Variants in CFAP299 observed in about 807,000 individuals in gnomAD.
The protein encoded by CFAP299 is cilia- and flagella-associated protein 299.
A neutral mutation model predicts 27.0 loss-of-function variants in CFAP299; 21 were observed. The ratio of observed to expected loss-of-function variants is 0.78; its 90% CI spans 0.55 to 1.12. The LOEUF (loss-of-function observed/expected upper bound fraction) is 1.12. Among genes scored for constraint, CFAP299 ranks in the 50% most tolerant of loss-of-function variants. The probability of loss-of-function intolerance (pLI) is 0.00; values close to 1 mark genes in which losing one functional copy is unlikely to be tolerated. For synonymous variants in CFAP299, 104 were observed against 98.1 expected (o/e 1.06, Z -0.36); for missense variants, 310 against 276.6 (o/e 1.12, Z -0.86).
chr4:80,776,963 C>T (rs1253998280), intron 3 of CFAP299, among the ~76,000 whole-genome samples: 1 of 151,100 alleles, frequency 6.6e-6, no homozygotes, highest in Admixed American at 6.6e-5. Flanking sequence ...CTCTTGAAAT[C>T]TCTTCCACTC....
chr4:80,482,844 C>T (rs1994981), intron 2 of CFAP299, among the ~76,000 whole-genome samples: 30,705 of 152,076 alleles, frequency 0.2, 3,286 homozygotes, highest in South Asian at 0.29. Flanking sequence ...ATAATGTTAC[C>T]TCAACGTTTG....
At chr4:80,597,545 T>TGTC in intron 3 of CFAP299, among the ~76,000 whole-genome samples, 1 of 152,218 alleles carries the variant, frequency 6.6e-6, no homozygotes, top group Non-Finnish European at 1.5e-5. Flanking sequence ...GTCCAATTTA[T>TGTC]TAATCTTTTC....
chr4:80,898,095 C>A (rs1192486133), intron 4 of CFAP299, among the ~76,000 whole-genome samples: 1 of 152,172 alleles, frequency 6.6e-6, no homozygotes, highest in Admixed American at 6.5e-5. Flanking sequence ...GCTCTTTTAG[C>A]TCTGCCATCT....
chr4:80,591,672 G>A (rs1736798680), intron 3 of CFAP299, among the ~76,000 whole-genome samples: 1 of 152,152 alleles, frequency 6.6e-6, no homozygotes, highest in Admixed American at 6.5e-5. Flanking sequence ...GAGCCAAGGA[G>A]TCACTGAGGC....
chr4:80,624,811 T>G (rs1738799159), intron 3 of CFAP299, among the ~76,000 whole-genome samples: 2 of 152,080 alleles, frequency 1.3e-5, no homozygotes, highest in Non-Finnish European at 2.9e-5. Context: ...AACTCTATAG[T>G]CCAGGAGAGA....
At chr4:80,956,482 A>C (rs959224067) in intron 5 of CFAP299, among the ~76,000 whole-genome samples, 7 of 152,106 alleles carry the variant, frequency 4.6e-5, no homozygotes, top group Admixed American at 1.3e-4. Flanking sequence ...CTCTGTGTGG[A>C]GTCCAGTGGC....
intron 3 of CFAP299, among the ~76,000 whole-genome samples, chr4:80,676,210 T>C (rs1402518326): frequency 6.6e-6 from 1 of 152,192 alleles, no homozygotes; most frequent in Non-Finnish European, 1.5e-5. Flanking sequence ...TCTAATGAAA[T>C]TATCATATTG....
chr4:80,341,184 T>C (rs1722431737), intron 1 of CFAP299, among the ~76,000 whole-genome samples: 1 of 152,208 alleles, frequency 6.6e-6, no homozygotes, highest in African/African-American at 2.4e-5. Flanking sequence ...AGAACTCTGA[T>C]CTCTTCCTGG....
At chr4:80,481,681 G>C (rs1730579840) in intron 2 of CFAP299, among the ~76,000 whole-genome samples, 1 of 152,030 alleles carries the variant, frequency 6.6e-6, no homozygotes, top group African/African-American at 2.4e-5. Context: ...GGCTAAAATT[G>C]ACTAGTTTAA....
intron 3 of CFAP299, among the ~76,000 whole-genome samples, chr4:80,738,453 G>C (rs1485554495): frequency 6.6e-6 from 1 of 151,952 alleles, no homozygotes; most frequent in Non-Finnish European, 1.5e-5. Flanking sequence ...ATATCCTCTG[G>C]ATGAACTGAA....
chr4:80,799,423 T>C (rs1285208686), intron 3 of CFAP299, among the ~76,000 whole-genome samples: 1 of 89,844 alleles, frequency 1.1e-5, no homozygotes, highest in East Asian at 3.3e-4. Flanking sequence ...ATAAGTAATA[T>C]TTATAATATA....
At chr4:80,327,701 T>TATATATATAACTTCAATAC in the CFAP299 span, among the ~76,000 whole-genome samples, 3 of 61,180 alleles carry the variant, frequency 4.9e-5, no homozygotes, top group Admixed American at 4.3e-4. Flanking sequence ...TATATATATA[T>TATATATATAACTTCAATAC]ATATATATAT....
intron 2 of CFAP299, among the ~76,000 whole-genome samples, chr4:80,461,167 T>C (rs1729420134): frequency 6.6e-6 from 1 of 152,108 alleles, no homozygotes; most frequent in Non-Finnish European, 1.5e-5. Context: ...GGTCTTTTCA[T>C]GCAGATGAAG....
intron 4 of CFAP299, among the ~76,000 whole-genome samples, chr4:80,909,121 T>G (rs1448026343): frequency 6.6e-6 from 1 of 152,200 alleles, no homozygotes; most frequent in African/African-American, 2.4e-5. Flanking sequence ...AATCACTTAC[T>G]TAAACATCTA....
At chr4:80,372,719 G>A (rs374473175) in intron 2 of CFAP299, among the ~76,000 whole-genome samples, 21 of 152,158 alleles carry the variant, frequency 1.4e-4, no homozygotes, top group South Asian at 8.3e-4. Flanking sequence ...TCCAATCAGC[G>A]TGATGTCACT....
At chr4:80,411,152 G>A (rs1392153698) in intron 2 of CFAP299, among the ~76,000 whole-genome samples, 1 of 152,100 alleles carries the variant, frequency 6.6e-6, no homozygotes, top group Non-Finnish European at 1.5e-5. Flanking sequence ...CTGGCCTCTT[G>A]AATAATAAAA....
At chr4:80,370,544 G>A (rs1724088777) in intron 2 of CFAP299, among the ~76,000 whole-genome samples, 1 of 152,184 alleles carries the variant, frequency 6.6e-6, no homozygotes, top group Admixed American at 6.5e-5. Context: ...GATACAATGG[G>A]GGATAGGCAT....
At chr4:80,749,097 T>A (rs1404318120) in intron 3 of CFAP299, among the ~76,000 whole-genome samples, 2 of 152,214 alleles carry the variant, frequency 1.3e-5, no homozygotes, top group African/African-American at 4.8e-5. Flanking sequence ...TGAGATCTAC[T>A]GTATGCATCA....
intron 3 of CFAP299, among the ~76,000 whole-genome samples, chr4:80,611,674 C>A (rs1737988465): frequency 6.6e-6 from 1 of 152,022 alleles, no homozygotes; most frequent in African/African-American, 2.4e-5. Context: ...TTGCTTTTAG[C>A]CTGATATTTG....
Sources: gnomAD v4.1 joint callset for allele counts (sites outside exome capture counted in the v4.1 genomes callset) on GRCh38, gnomAD v4.1.1 for gene constraint, MANE v1.5 for transcripts, NCBI Gene and HGNC (gene_info 2026-07-23, HGNC 2026-07-21) for gene names.